Variants in NCALD observed in about 807,000 individuals in gnomAD.
NCALD encodes neurocalcin-delta.
In NCALD, 10 loss-of-function variants were observed where a neutral mutation model predicts 18.6. That is an observed-to-expected ratio of 0.54 (90% CI 0.33 to 0.91). The LOEUF (loss-of-function observed/expected upper bound fraction) is 0.91, where lower values mean the gene tolerates loss of function less well. Ranked by LOEUF, NCALD falls within the 40% of genes least tolerant of loss-of-function variation. NCALD has a pLI of 0.03. For missense variants in NCALD, 184 were observed against 247.6 expected (o/e 0.74, Z 1.72); for synonymous variants, 88 against 87.4 (o/e 1.01, Z -0.04).
upstream of NCALD, among the ~76,000 whole-genome samples, chr8:101,794,779 C>G (rs979519363): frequency 2.6e-5 from 4 of 151,996 alleles, no homozygotes; most frequent in African/African-American, 9.7e-5. Context: ...CATAGCAGAG[C>G]CAGGATTTAT....
intron 4 of NCALD, among the ~76,000 whole-genome samples, chr8:101,807,031 G>A (rs997736721): frequency 1.3e-5 from 2 of 152,078 alleles, no homozygotes; most frequent in Non-Finnish European, 1.5e-5. Context: ...GAAGACAGCT[G>A]TCAACCAAGA....
intron 3 of NCALD, among the ~76,000 whole-genome samples, chr8:101,894,578 G>A (rs969365714): frequency 1.4e-5 from 2 of 143,666 alleles, no homozygotes; most frequent in South Asian, 2.1e-4. Context: ...CCAGGAACTG[G>A]TTTTTTGAAA....
Position 101,687,185 on chromosome 8 carries a change from G to C in NCALD, c.*2124C>G, listed in dbSNP as rs1814507609. On this transcript the variant is annotated 3_prime_UTR_variant, in exon 4 of 4. Coordinates refer to ENST00000220931, the MANE Select transcript of NCALD (RefSeq NM_032041.3). The stretch of plus-strand genomic sequence containing the variant: ...GCGAGATGTCATGACTAAGGGCAGA[G>C]CCCAGGCAGGTTTCTCAAAACATTA... The C allele has an allele frequency of 6.6e-6, 1 of 152,432 alleles. No homozygotes were observed. Among genetic ancestry groups the C allele is most frequent in the Non-Finnish European group, 1.5e-5 (1 of 68,070 alleles). 9.4% of individuals were successfully genotyped at this position (152,432 alleles called of 1,614,324 possible).
At chr8:101,984,633 A>G (rs1290867326) in intron 2 of NCALD, among the ~76,000 whole-genome samples, 1 of 152,172 alleles carries the variant, frequency 6.6e-6, no homozygotes, top group Non-Finnish European at 1.5e-5. Context: ...CTCTCACCCT[A>G]CATTTGAAAC....
intron 1 of NCALD, among the ~76,000 whole-genome samples, chr8:102,050,238 G>C (rs1010440448): frequency 7.0e-6 from 1 of 142,414 alleles, no homozygotes; most frequent in Admixed American, 7.2e-5. Flanking sequence ...ATTCTTTGTA[G>C]ATTTTGGATA....
chr8:101,706,061 G>A (rs1252493685), intron 2 of NCALD, among the ~76,000 whole-genome samples: 1 of 152,198 alleles, frequency 6.6e-6, no homozygotes, highest in Non-Finnish European at 1.5e-5. Flanking sequence ...TTTGGAGGGA[G>A]TCATCTGAAA....
At chr8:101,884,909 T>C (rs1038152475) in intron 4 of NCALD, among the ~76,000 whole-genome samples, 4 of 152,210 alleles carry the variant, frequency 2.6e-5, no homozygotes, top group African/African-American at 7.2e-5. Flanking sequence ...TCTCTCTCCA[T>C]ATTATTCCTA....
intron 1 of NCALD, among the ~76,000 whole-genome samples, chr8:102,054,751 TGATA>T (rs1197555419): frequency 4.0e-5 from 6 of 151,008 alleles, no homozygotes; most frequent in East Asian, 2.0e-4. Context: ...ATCTATAGGA[TGATA>T]GATATATATT....
intron 1 of NCALD, among the ~76,000 whole-genome samples, chr8:101,734,408 T>C (rs1056149461): frequency 1.3e-5 from 2 of 152,230 alleles, no homozygotes; most frequent in Non-Finnish European, 2.9e-5. Context: ...CACAGTTATA[T>C]GCTTAAAATC....
At chr8:101,740,957 C>T (rs1810159566) in intron 1 of NCALD, among the ~76,000 whole-genome samples, 1 of 152,140 alleles carries the variant, frequency 6.6e-6, no homozygotes, top group Non-Finnish European at 1.5e-5. Flanking sequence ...AGTCTAATTA[C>T]AGCAAATACT....
rs140275428 is a variant in NCALD, at chr8:101,871,565, C to T, written c.-20+15576G>A. 1.2e-3 allele frequency among the ~76,000 whole-genome samples: 178 copies of T among 146,602 alleles called. 3 individuals are homozygous for T. The East Asian group carries it at 0.032, about 26-fold the overall frequency. The stretch of plus-strand genomic sequence containing the variant: ...GTTCCCAAACAGAGATATTTTAATC[C>T]TCTGGAATTCAGATTTTCTTTTTTT... On this transcript the variant is annotated intron_variant, in intron 4 of 6. Coordinates refer to the NCALD transcript ENST00000311028.
At chr8:102,056,254 G>A (rs1371870243) in intron 1 of NCALD, among the ~76,000 whole-genome samples, 1 of 152,094 alleles carries the variant, frequency 6.6e-6, no homozygotes, top group Admixed American at 6.5e-5. Context: ...GTTTGTTTTT[G>A]CTTGTTTATG....
intron 1 of NCALD, among the ~76,000 whole-genome samples, chr8:102,051,233 CTAGG>C (rs1277266453): frequency 6.6e-6 from 1 of 152,156 alleles, no homozygotes; most frequent in Non-Finnish European, 1.5e-5. Flanking sequence ...GGCTCCACCC[CTAGG>C]ATCGGTGTGA....
intron 2 of NCALD, among the ~76,000 whole-genome samples, chr8:101,921,698 T>C (rs1818170898): frequency 6.6e-6 from 1 of 152,216 alleles, no homozygotes; most frequent in Non-Finnish European, 1.5e-5. Flanking sequence ...AAATTATAGC[T>C]ATTAATTTAT....
At chr8:101,777,872 T>C (rs1811858153) in intron 1 of NCALD, among the ~76,000 whole-genome samples, 1 of 152,174 alleles carries the variant, frequency 6.6e-6, no homozygotes, top group African/African-American at 2.4e-5. Context: ...CCAACAGATA[T>C]GTTTGGATTG....
rs757516103 is a variant in NCALD at position 101,935,282 on chromosome 8, C to T, written c.-156-19424G>A. On this transcript the variant is annotated intron_variant, in intron 2 of 6. Transcript: ENST00000311028. ...AAAACCTGGTTTCCACAGTTAATCC[C>T]GAATTTTCCAAACAATTCCTAAGCA... Among the ~76,000 whole-genome samples the T allele has an allele frequency of 2.0e-4, 31 of 152,080 alleles. No individual in the cohort carries two copies. The East Asian group carries it at 3.5e-3, about 17-fold the overall frequency.
intron 2 of NCALD, among the ~76,000 whole-genome samples, chr8:101,943,359 T>A (rs942939869): frequency 6.6e-6 from 1 of 152,220 alleles, no homozygotes; most frequent in Non-Finnish European, 1.5e-5. Flanking sequence ...AATCCTTTCC[T>A]ATTTGCAGGA....
intron 4 of NCALD, among the ~76,000 whole-genome samples, chr8:101,798,757 T>C (rs1354406554): frequency 6.6e-6 from 1 of 152,164 alleles, no homozygotes; most frequent in East Asian, 1.9e-4. Flanking sequence ...TTTCAGAACA[T>C]ATTATATAGC....
chr8:101,786,211 C>T (rs1812220837), intron 1 of NCALD, among the ~76,000 whole-genome samples: 2 of 152,052 alleles, frequency 1.3e-5, no homozygotes. Context: ...AGTATGTGCT[C>T]AAAATTTGCT....
Sources: allele counts gnomAD v4.1 joint callset (sites outside exome capture counted in the v4.1 genomes callset), GRCh38; gene constraint gnomAD v4.1.1; transcripts MANE v1.5; gene names NCBI Gene and HGNC (gene_info 2026-07-23, HGNC 2026-07-21).